Variants in MECOM observed in about 807,000 individuals in gnomAD.
MECOM encodes the protein histone-lysine N-methyltransferase MECOM.
A neutral mutation model predicts 116.3 loss-of-function variants in MECOM; 13 were observed. The observed-to-expected ratio is 0.11, with a 90% confidence interval of 0.07 to 0.18. The LOEUF (loss-of-function observed/expected upper bound fraction) is 0.18. MECOM is among the 10% of genes least tolerant of loss of function. MECOM has a pLI of 1.00. For missense variants in MECOM, 1,299 were observed against 1,509.0 expected (o/e 0.86, Z 2.31); for synonymous variants, 528 against 535.2 (o/e 0.99, Z 0.19).
intron 13 of MECOM, among the ~76,000 whole-genome samples, chr3:169,094,356 T>C (rs749567682): frequency 3.9e-5 from 6 of 152,176 alleles, no homozygotes; most frequent in African/African-American, 1.4e-4. Flanking sequence ...ACTGCACAGG[T>C]TGGCTCTGCA....
chr3:169,306,994 T>C (rs1168879795), intron 2 of MECOM, among the ~76,000 whole-genome samples: 1 of 152,208 alleles, frequency 6.6e-6, no homozygotes, highest in Non-Finnish European at 1.5e-5. Flanking sequence ...ACTGTCCACT[T>C]GATGCCAACA....
At chr3:169,565,957 T>C (rs1278151613) in intron 1 of MECOM, 1 of 446,792 alleles carries the variant, frequency 2.2e-6, no homozygotes, top group Non-Finnish European at 4.5e-6. Flanking sequence ...AAAAAAGGTT[T>C]AATCAACTCA....
intron 2 of MECOM, among the ~76,000 whole-genome samples, chr3:169,241,489 AT>A (rs1395384626): frequency 3.3e-5 from 5 of 152,192 alleles, no homozygotes; most frequent in African/African-American, 1.2e-4. Flanking sequence ...ATCCGAAACT[AT>A]TCATTTTGTT....
chr3:169,090,329 G>A (rs1719275663), intron 14 of MECOM, 93 bp from the exon 15 acceptor site: 2 of 1,086,742 alleles, frequency 1.8e-6, no homozygotes, highest in Non-Finnish European at 2.6e-6. Flanking sequence ...CAACAGTTTA[G>A]ATTTTCAACA....
chr3:169,510,048 G>A (rs888854253), intron 1 of MECOM, among the ~76,000 whole-genome samples: 1 of 152,210 alleles, frequency 6.6e-6, no homozygotes, highest in African/African-American at 2.4e-5. Context: ...CCTCTTATAG[G>A]GTGGGGGCAA....
chr3:169,320,410 G>A (rs1412224063), intron 2 of MECOM, among the ~76,000 whole-genome samples: 2 of 152,180 alleles, frequency 1.3e-5, no homozygotes, highest in African/African-American at 4.8e-5. Flanking sequence ...AAAAATTGAT[G>A]ACGTAAGGTC....
intron 1 of MECOM, among the ~76,000 whole-genome samples, chr3:169,585,096 T>C (rs1765627119): frequency 2.0e-5 from 3 of 152,224 alleles, no homozygotes; most frequent in Non-Finnish European, 2.9e-5. Context: ...TTTTTAAATA[T>C]TGGACAAGAT....
intron 12 of MECOM, among the ~76,000 whole-genome samples, chr3:169,096,979 T>A (rs112449365): frequency 0.15 from 21,942 of 141,670 alleles, 2,172 homozygotes; most frequent in Non-Finnish European, 0.21. Flanking sequence ...TTTTTTTTTT[T>A]AAATGCGTAT....
At chr3:169,246,993 T>C (rs1755664331) in intron 2 of MECOM, among the ~76,000 whole-genome samples, 1 of 152,216 alleles carries the variant, frequency 6.6e-6, no homozygotes, top group African/African-American at 2.4e-5. Flanking sequence ...TCTCTGGCAA[T>C]AGCCTATTAT....
intron 1 of MECOM, among the ~76,000 whole-genome samples, chr3:169,500,506 A>G (rs1158287472): frequency 6.6e-6 from 1 of 152,078 alleles, no homozygotes; most frequent in African/African-American, 2.4e-5. Flanking sequence ...CTGCAAAATA[A>G]TAATGGTACT....
At chr3:169,509,677 T>C (rs918303654) in intron 1 of MECOM, among the ~76,000 whole-genome samples, 1 of 152,278 alleles carries the variant, frequency 6.6e-6, no homozygotes, top group Non-Finnish European at 1.5e-5. Context: ...TGTTGTATCA[T>C]GTGTCAGAAT....
chr3:169,296,283 G>C (rs1451166089), intron 2 of MECOM, among the ~76,000 whole-genome samples: 1 of 152,188 alleles, frequency 6.6e-6, no homozygotes, highest in Non-Finnish European at 1.5e-5. Flanking sequence ...CAGCAGGACA[G>C]ACAAGTGGCA....
chr3:169,116,112 G>A lies in MECOM; in HGVS notation c.1760C>T (p.Thr587Ile), dbSNP rs377371426. Residue 587 changes from threonine to isoleucine, a missense_variant, in exon 8 of 17, where the codon ACA becomes ATA. By Grantham distance (89) the Thr-to-Ile change is moderately conservative. Around this residue, in one of 6 missense-constraint regions of MECOM, gnomAD observed 238 missense variants for 273.1 expected, o/e 0.87. Transcript: ENST00000651503. Reference protein sequence around the residue: ...SESSDLDDVSTPSGSDLETTS... With the variant: ...SESSDLDDVSIPSGSDLETTS... ...TGTTTCCAGGTCACTGCCACTTGGT[G>A]TACTGACATCATCAAGGTCACTACT... 1 of 1,614,036 alleles carries A rather than the reference G, an allele frequency of 6.2e-7. No individual in the cohort carries two copies. The highest frequency in any genetic ancestry group is 8.5e-7 in the Non-Finnish European group (1 of 1,180,052).
At chr3:169,658,204 C>T (rs1187835100) in intron 1 of MECOM, among the ~76,000 whole-genome samples, 4 of 152,204 alleles carry the variant, frequency 2.6e-5, no homozygotes, top group African/African-American at 9.7e-5. Context: ...GCAGACCCCA[C>T]AGACCGTTTT....
chr3:169,653,325 A>G (rs1343300469), intron 1 of MECOM, among the ~76,000 whole-genome samples: 1 of 152,220 alleles, frequency 6.6e-6, no homozygotes, highest in Non-Finnish European at 1.5e-5. Flanking sequence ...CCTATACAAA[A>G]CAGAAATGGG....
intron 2 of MECOM, among the ~76,000 whole-genome samples, chr3:169,364,567 A>T (rs1412212119): frequency 2.6e-5 from 4 of 152,034 alleles, no homozygotes; most frequent in Non-Finnish European, 4.4e-5. Context: ...CATCATGGTA[A>T]TAACTCACCA....
chr3:169,642,167 G>T (rs1435355507), intron 1 of MECOM, among the ~76,000 whole-genome samples: 2 of 152,052 alleles, frequency 1.3e-5, no homozygotes, highest in African/African-American at 4.8e-5. Context: ...CTAACAAAAT[G>T]GCATAAAGAG....
intron 2 of MECOM, among the ~76,000 whole-genome samples, chr3:169,332,018 AAAAAAG>A: frequency 6.6e-6 from 1 of 152,064 alleles, no homozygotes. Flanking sequence ...AAAAAAAAAA[AAAAAAG>A]GATTATTGAG....
chr3:169,524,538 A>G (rs1757750043), intron 1 of MECOM, among the ~76,000 whole-genome samples: 1 of 152,234 alleles, frequency 6.6e-6, no homozygotes, highest in African/African-American at 2.4e-5. Flanking sequence ...AAGAGTGGCC[A>G]TTAAGAAATG....
Sources: gnomAD v4.1 joint callset for allele counts (sites outside exome capture counted in the v4.1 genomes callset) on GRCh38, gnomAD v4.1.1 for gene constraint, gnomAD v4.1.1 regional missense constraint, MANE v1.5 for transcripts, NCBI Gene and HGNC (gene_info 2026-07-23, HGNC 2026-07-21) for gene names.